The following RBPMS variants were observed in gnomAD, a reference collection of about 807,000 sequenced individuals.
RBPMS encodes RNA-binding protein with multiple splicing.
RBPMS carries 7 observed loss-of-function variants against 26.8 expected under a neutral mutation model. The ratio of observed to expected loss-of-function variants is 0.26; its 90% CI spans 0.15 to 0.49. The LOEUF (loss-of-function observed/expected upper bound fraction) is 0.49, where lower values mean the gene tolerates loss of function less well. Ranked by LOEUF, RBPMS falls within the 20% of genes least tolerant of loss-of-function variation. RBPMS has a pLI of 0.98. For synonymous variants in RBPMS, 96 were observed against 93.3 expected (o/e 1.03, Z -0.17); for missense variants, 186 against 250.0 (o/e 0.74, Z 1.73).
intron 4 of RBPMS, among the ~76,000 whole-genome samples, chr8:30,486,855 G>T (rs1455558513): frequency 6.6e-6 from 1 of 152,124 alleles, no homozygotes; most frequent in Non-Finnish European, 1.5e-5. Flanking sequence ...ATGACTGTGT[G>T]AAATAGCTCT....
intron 6 of RBPMS, among the ~76,000 whole-genome samples, chr8:30,548,713 G>C (rs570946419): frequency 6.6e-6 from 1 of 152,352 alleles, no homozygotes; most frequent in African/African-American, 2.4e-5. Context: ...GGAGCTCACA[G>C]AGGAGTAGAT....
At chr8:30,512,446 A>G (rs1243384663) in intron 5 of RBPMS, among the ~76,000 whole-genome samples, 1 of 151,946 alleles carries the variant, frequency 6.6e-6, no homozygotes, top group Admixed American at 6.6e-5. Flanking sequence ...ATATATCCAA[A>G]GCATTGTTTT....
intron 1 of RBPMS, among the ~76,000 whole-genome samples, chr8:30,408,916 G>T (rs938887926): frequency 6.6e-6 from 1 of 152,088 alleles, no homozygotes; most frequent in Non-Finnish European, 1.5e-5. Context: ...CTATGGATTA[G>T]CCTGTTTCAG....
At chr8:30,507,658 T>G (rs1429615730) in intron 5 of RBPMS, among the ~76,000 whole-genome samples, 1 of 152,158 alleles carries the variant, frequency 6.6e-6, no homozygotes, top group African/African-American at 2.4e-5. Flanking sequence ...AAAAGATCTG[T>G]GAGAAAGCGG....
At chr8:30,443,436 T>C (rs1813358238) in intron 1 of RBPMS, among the ~76,000 whole-genome samples, 1 of 152,196 alleles carries the variant, frequency 6.6e-6, no homozygotes, top group Non-Finnish European at 1.5e-5. Flanking sequence ...ACCAGCTGTT[T>C]TGATTTTGGA....
At chr8:30,543,408 G>A (rs534703328) in intron 5 of RBPMS, among the ~76,000 whole-genome samples, 1 of 152,310 alleles carries the variant, frequency 6.6e-6, no homozygotes, top group South Asian at 2.1e-4. Context: ...TAGATGGTAG[G>A]AAGGAATAAA....
At chr8:30,491,629 A>G (rs1342328200) in intron 4 of RBPMS, among the ~76,000 whole-genome samples, 1 of 152,046 alleles carries the variant, frequency 6.6e-6, no homozygotes, top group East Asian at 1.9e-4. Context: ...TTTTTTTTCA[A>G]TTGTAGAGTT....
intron 1 of RBPMS, among the ~76,000 whole-genome samples, chr8:30,408,435 A>G (rs1808902717): frequency 6.6e-6 from 1 of 152,242 alleles, no homozygotes; most frequent in African/African-American, 2.4e-5. Flanking sequence ...AGGCTGAGGC[A>G]GGAGAATCGC....
chr8:30,490,398 T>C (rs1819260656), intron 4 of RBPMS, among the ~76,000 whole-genome samples: 2 of 152,192 alleles, frequency 1.3e-5, no homozygotes, highest in Non-Finnish European at 2.9e-5. Context: ...CCAACATCCA[T>C]TGATTATAAT....
At chr8:30,462,647 C>T (rs1301374672) in intron 1 of RBPMS, among the ~76,000 whole-genome samples, 4 of 152,044 alleles carry the variant, frequency 2.6e-5, no homozygotes, top group Admixed American at 1.3e-4. Flanking sequence ...AGGCTGGTCT[C>T]GAACTCCTGA....
intron 1 of RBPMS, among the ~76,000 whole-genome samples, chr8:30,411,916 G>A (rs1273031824): frequency 1.3e-5 from 2 of 151,674 alleles, no homozygotes; most frequent in African/African-American, 4.8e-5. Context: ...AACGCAGGAG[G>A]CGGAGGTTGC....
chr8:30,562,909 C>G (rs1389769198), intron 7 of RBPMS, among the ~76,000 whole-genome samples: 4 of 152,180 alleles, frequency 2.6e-5, no homozygotes, highest in Admixed American at 2.0e-4. Context: ...AAAGAGAAAT[C>G]AGTGACTAGA....
intron 5 of RBPMS, among the ~76,000 whole-genome samples, chr8:30,522,470 T>C (rs1173302879): frequency 2.0e-5 from 3 of 152,058 alleles, no homozygotes. Flanking sequence ...ATGGAGCCAC[T>C]GCACTGCAGC....
chr8:30,479,322 G>T lies in RBPMS; in HGVS notation c.191G>T (p.Gly64Val), dbSNP rs2150845021. The T allele has an allele frequency of 1.2e-6, 2 of 1,606,388 alleles. No individual in the cohort carries two copies. Among genetic ancestry groups the T allele is most frequent in the Middle Eastern group, 1.7e-4 (1 of 6,046 alleles). ...TCTCTTTTTTTTTCTCAGCCTGTAGGTTTTGTCAGTTTTGACAGTCGCTCA... is the reference window on the plus strand; with the variant it reads ...TCTCTTTTTTTTTCTCAGCCTGTAGTTTTTGTCAGTTTTGACAGTCGCTCA... The part of the protein sequence containing the change: ...LIKLTSKQPV[G>V]FVSFDSRSEA... Residue 64 changes from glycine (G) to valine (V), a missense_variant, in exon 4 of 9, where the codon GGT becomes GTT. By Grantham distance (109) the Gly-to-Val change is moderately radical. Around this residue, in one of 3 missense-constraint regions of RBPMS, gnomAD observed 50 missense variants for 108.5 expected, o/e 0.46. Transcript: ENST00000397323.
At chr8:30,471,927 C>T (rs1817149962) in intron 1 of RBPMS, among the ~76,000 whole-genome samples, 1 of 152,066 alleles carries the variant, frequency 6.6e-6, no homozygotes, top group Admixed American at 6.6e-5. Context: ...TCATTCCACC[C>T]AGCCCCAGCA....
intron 1 of RBPMS, among the ~76,000 whole-genome samples, chr8:30,459,073 C>A (rs555983756): frequency 8.6e-5 from 13 of 151,760 alleles, no homozygotes; most frequent in African/African-American, 2.9e-4. Context: ...AAGCGATTCT[C>A]GTGCCTCAGC....
chr8:30,523,849 A>G (rs935798250), intron 5 of RBPMS, among the ~76,000 whole-genome samples: 1 of 152,250 alleles, frequency 6.6e-6, no homozygotes, highest in South Asian at 2.1e-4. Flanking sequence ...CAGTGTTACC[A>G]TTTTTAATGA....
chr8:30,499,608 A>G (rs1404843272), intron 4 of RBPMS, among the ~76,000 whole-genome samples: 1 of 152,162 alleles, frequency 6.6e-6, no homozygotes, highest in African/African-American at 2.4e-5. Context: ...AAACCAAAAA[A>G]AAAAAATTAG....
intron 1 of RBPMS, among the ~76,000 whole-genome samples, chr8:30,387,481 C>T (rs139290240): frequency 1.3e-5 from 2 of 152,176 alleles, no homozygotes; most frequent in African/African-American, 4.8e-5. Flanking sequence ...TACACAAAAC[C>T]ACTGCACTGA....
Sources: gnomAD v4.1 joint callset for allele counts (sites outside exome capture counted in the v4.1 genomes callset) on GRCh38, gnomAD v4.1.1 for gene constraint, gnomAD v4.1.1 regional missense constraint, MANE v1.5 for transcripts, NCBI Gene and HGNC (gene_info 2026-07-23, HGNC 2026-07-21) for gene names.